KCNN2: variants seen among roughly 807,000 people sequenced by gnomAD.
KCNN2 encodes small conductance calcium-activated potassium channel protein 2.
KCNN2 carries 24 observed loss-of-function variants against 55.5 expected under a neutral mutation model. That is an observed-to-expected ratio of 0.43 (90% CI 0.31 to 0.61). The LOEUF is 0.61. KCNN2 is among the 20% of genes least tolerant of loss of function. The probability of loss-of-function intolerance (pLI) is 0.08; values close to 1 mark genes in which losing one functional copy is unlikely to be tolerated. For synonymous variants in KCNN2, 431 were observed against 336.1 expected (o/e 1.28, Z -3.09); for missense variants, 754 against 853.6 (o/e 0.88, Z 1.45).
chr5:114,367,479 C>T (rs1156849318), intron 2 of KCNN2, among the ~76,000 whole-genome samples: 4 of 152,044 alleles, frequency 2.6e-5, no homozygotes, highest in Non-Finnish European at 5.9e-5. Flanking sequence ...AATAAATGAA[C>T]ACATAAATTT....
chr5:114,182,843 G>T (rs1753265517), intron 1 of KCNN2, among the ~76,000 whole-genome samples: 1 of 151,822 alleles, frequency 6.6e-6, no homozygotes, highest in Non-Finnish European at 1.5e-5. Flanking sequence ...ATTTCTGTTT[G>T]CTTGCATTTC....
chr5:114,138,303 G>C (rs1752211372), intron 1 of KCNN2, among the ~76,000 whole-genome samples: 1 of 152,142 alleles, frequency 6.6e-6, no homozygotes, highest in South Asian at 2.1e-4. Context: ...ACAACAAACA[G>C]CCTGAGCTCT....
At chr5:114,289,489 AC>A (rs1431502472) in intron 2 of KCNN2, among the ~76,000 whole-genome samples, 1 of 150,542 alleles carries the variant, frequency 6.6e-6, no homozygotes, top group African/African-American at 2.4e-5. Flanking sequence ...TGATTCTCCT[AC>A]CTTAGCCTCC....
intron 1 of KCNN2, among the ~76,000 whole-genome samples, chr5:114,078,237 T>C (rs970019185): frequency 6.6e-6 from 1 of 152,176 alleles, no homozygotes; most frequent in Non-Finnish European, 1.5e-5. Flanking sequence ...AATTGAGACT[T>C]GCATCAGTGA....
intron 1 of KCNN2, among the ~76,000 whole-genome samples, chr5:114,199,656 C>A (rs1258772247): frequency 6.6e-6 from 1 of 151,246 alleles, no homozygotes. Flanking sequence ...ACCTTTCATT[C>A]CCATGTTTGA....
chr5:114,287,453 A>G (rs1755777700), intron 2 of KCNN2, among the ~76,000 whole-genome samples: 1 of 152,184 alleles, frequency 6.6e-6, no homozygotes, highest in African/African-American at 2.4e-5. Flanking sequence ...TTGCAGGGAC[A>G]TGGATGAAGC....
chr5:114,269,338 G>A (rs528315284), intron 2 of KCNN2, among the ~76,000 whole-genome samples: 1 of 152,184 alleles, frequency 6.6e-6, no homozygotes, highest in South Asian at 2.1e-4. Context: ...AACTTTCCTA[G>A]TCCCCTTTCC....
intron 2 of KCNN2, among the ~76,000 whole-genome samples, chr5:114,231,618 T>C (rs1447063128): frequency 6.6e-6 from 1 of 151,222 alleles, no homozygotes; most frequent in African/African-American, 2.5e-5. Context: ...GTGATCACCA[T>C]GGCCACATTT....
rs1755251566 is a variant in KCNN2 at position 114,268,254 on chromosome 5, AT to A, written c.-185+46693del. Among the ~76,000 whole-genome samples the A allele has an allele frequency of 2.0e-5, 3 of 152,168 alleles. No individual in the cohort carries two copies. The South Asian group carries it at 6.2e-4, about 31-fold the overall frequency. On this transcript the variant is annotated intron_variant, in intron 2 of 10. Transcript: ENST00000512097. ...TACATCAGCTTCCCTTTCTATTTAC[AT>A]TTTCCTGATCTCAGTCATCAGCCTT...
At chr5:114,385,188 TC>T (rs1258894430) in intron 2 of KCNN2, among the ~76,000 whole-genome samples, 2 of 152,076 alleles carry the variant, frequency 1.3e-5, no homozygotes, top group East Asian at 3.9e-4. Flanking sequence ...CTTCCTTCCT[TC>T]ATTTCCTTCC....
At chr5:114,306,700 C>CTTTTT (rs1245549186) in intron 2 of KCNN2, among the ~76,000 whole-genome samples, 1 of 115,522 alleles carries the variant, frequency 8.7e-6, no homozygotes, top group Non-Finnish European at 1.7e-5. Context: ...TTTTTTTTTT[C>CTTTTT]TTTTTTTTTT....
intron 2 of KCNN2, among the ~76,000 whole-genome samples, chr5:114,389,348 G>T (rs1357604891): frequency 6.6e-6 from 1 of 152,114 alleles, no homozygotes; most frequent in Non-Finnish European, 1.5e-5. Flanking sequence ...GGCTAAGTAT[G>T]TGACAAGTCG....
chr5:114,380,208 T>TTGGGAATTTCTGTGTC (rs1758074307), intron 2 of KCNN2, among the ~76,000 whole-genome samples: 1 of 152,118 alleles, frequency 6.6e-6, no homozygotes, highest in Non-Finnish European at 1.5e-5. Context: ...AAAACTCCTT[T>TTGGGAATTTCTGTGTC]TGGGAATTTC....
intron 1 of KCNN2, among the ~76,000 whole-genome samples, chr5:114,219,400 G>A (rs899536789): frequency 9.9e-5 from 15 of 152,166 alleles, no homozygotes; most frequent in African/African-American, 3.6e-4. Context: ...GGTAAATGTG[G>A]GGGATTTTAT....
chr5:114,166,049 T>G (rs943223343), intron 1 of KCNN2, among the ~76,000 whole-genome samples: 16 of 151,802 alleles, frequency 1.1e-4, no homozygotes, highest in African/African-American at 3.9e-4. Context: ...TATGAAACAA[T>G]TCTTTTTTTT....
chr5:114,242,387 A>G (rs1343080764), intron 2 of KCNN2, among the ~76,000 whole-genome samples: 1 of 152,214 alleles, frequency 6.6e-6, no homozygotes. Flanking sequence ...ATGAGTTTGC[A>G]TAGTTTTGAC....
At chr5:114,285,418 A>C (rs1489197182) in intron 2 of KCNN2, among the ~76,000 whole-genome samples, 1 of 152,114 alleles carries the variant, frequency 6.6e-6, no homozygotes, top group Non-Finnish European at 1.5e-5. Flanking sequence ...CAAGTGGTTT[A>C]ATAATGTTAG....
intron 2 of KCNN2, among the ~76,000 whole-genome samples, chr5:114,285,747 A>G (rs1347481468): frequency 2.0e-5 from 3 of 152,168 alleles, no homozygotes; most frequent in Non-Finnish European, 2.9e-5. Context: ...CTGCTACTGT[A>G]GAGTTGAAGA....
At chr5:114,449,223 C>A (rs147964635) in intron 3 of KCNN2, among the ~76,000 whole-genome samples, 195 of 152,246 alleles carry the variant, frequency 1.3e-3, no homozygotes, top group African/African-American at 4.6e-3. Flanking sequence ...CTTTTCCTCT[C>A]CCTCCTCTCC....
Sources: allele counts gnomAD v4.1 joint callset (sites outside exome capture counted in the v4.1 genomes callset), GRCh38; gene constraint gnomAD v4.1.1; transcripts MANE v1.5; gene names NCBI Gene and HGNC (gene_info 2026-07-23, HGNC 2026-07-21).